The following ANXA3 variants were observed in gnomAD, a reference collection of about 807,000 sequenced individuals.
ANXA3 encodes 35-alpha calcimedin.
A neutral mutation model predicts 48.8 loss-of-function variants in ANXA3; 46 were observed. The observed-to-expected ratio is 0.94, with a 90% confidence interval of 0.74 to 1.21. The LOEUF is 1.21. ANXA3 is among the 50% of genes most tolerant of loss of function. The pLI is 0.00. For missense variants in ANXA3, 383 were observed against 378.6 expected (o/e 1.01, Z -0.10); for synonymous variants, 128 against 134.7 (o/e 0.95, Z 0.35).
chr4:78,559,799 G>A (rs1374902348), intron 2 of ANXA3, among the ~76,000 whole-genome samples: 1 of 152,134 alleles, frequency 6.6e-6, no homozygotes, highest in Non-Finnish European at 1.5e-5. Flanking sequence ...GGGTAATAGT[G>A]CTTATCTCAT....
Position 78,610,269 on chromosome 4 carries a change from GATT to G in ANXA3, c.*161_*163del. The G allele has an allele frequency of 2.1e-6, 1 of 474,468 alleles. No individual in the cohort carries two copies. Among genetic ancestry groups the G allele is most frequent in the Non-Finnish European group, 3.8e-6 (1 of 266,532 alleles). The allele number at this position is 474,468 out of a possible 1,614,324, so 29.4% of individuals were successfully genotyped here. A position where few individuals can be genotyped will look rare whatever the true frequency, so the allele number is the denominator to read the frequency against. On this transcript the variant is annotated 3_prime_UTR_variant, in exon 13 of 13. Transcript: ENST00000264908. ...GTTCTATAACAACAACAACAAAAGC[GATT>G]ATTATTTTAGAGCATCTCATTTATA...
At chr4:78,609,793 CTT>C (rs1723719999) in intron 12 of ANXA3, among the ~76,000 whole-genome samples, 1 of 152,134 alleles carries the variant, frequency 6.6e-6, no homozygotes, top group Non-Finnish European at 1.5e-5. Flanking sequence ...GTGATGCAAT[CTT>C]ATTTTATTAA....
intron 3 of ANXA3, among the ~76,000 whole-genome samples, chr4:78,575,154 A>T (rs1187721039): frequency 1.3e-5 from 2 of 152,122 alleles, no homozygotes; most frequent in African/African-American, 4.8e-5. Flanking sequence ...ATCTGCTTCC[A>T]CTTTCATATG....
At chr4:78,587,832 G>T (rs544167396) in intron 6 of ANXA3, among the ~76,000 whole-genome samples, 25 of 152,280 alleles carry the variant, frequency 1.6e-4, no homozygotes, top group African/African-American at 5.8e-4. Flanking sequence ...GGTGACTCAC[G>T]CCTGTAATCA....
chr4:78,580,269 C>G (rs2109936410), intron 4 of ANXA3, among the ~76,000 whole-genome samples: 1 of 152,254 alleles, frequency 6.6e-6, no homozygotes, highest in East Asian at 1.9e-4. Context: ...CTAAACAATA[C>G]TAGGGGTTCT....
At chr4:78,578,236 G>A (rs1280611899) in intron 3 of ANXA3, among the ~76,000 whole-genome samples, 4 of 150,452 alleles carry the variant, frequency 2.7e-5, no homozygotes, top group African/African-American at 7.3e-5. Context: ...AGCCGAGATC[G>A]TGCCATTGCA....
In ANXA3 at chr4:78,591,465, T is replaced by A. The variant is rs544046330; in HGVS notation, c.404-79T>A. 1.7e-4 allele frequency: 157 copies of A among 917,686 alleles called. No individual in the cohort carries two copies. The highest frequency in any genetic ancestry group is 6.6e-4 in the Middle Eastern group (3 of 4,570). The allele number at this position is 917,686 out of a possible 1,614,324, so 56.8% of individuals were successfully genotyped here. Reference sequence around the variant, plus strand: ...TCACATACCCATTCTTTGCTAGTGTTGGCATTTAAACTTTTCTCTGTTTTA... The same window carrying A: ...TCACATACCCATTCTTTGCTAGTGTAGGCATTTAAACTTTTCTCTGTTTTA... On this transcript the variant is annotated intron_variant, in intron 6 of 12. Coordinates refer to ENST00000264908, the MANE Select transcript of ANXA3 (RefSeq NM_005139.3).
chr4:78,596,403 T>C (rs7699779), intron 9 of ANXA3, among the ~76,000 whole-genome samples: 16,088 of 152,294 alleles, frequency 0.11, 2,812 homozygotes, highest in African/African-American at 0.36. Flanking sequence ...CCCGCCCTCT[T>C]GCTCATGGCA....
intron 2 of ANXA3, chr4:78,570,949 C>T (rs1007403676): frequency 6.6e-6 from 1 of 152,058 alleles, no homozygotes; most frequent in Admixed American, 6.6e-5. Context: ...ATTTATCAAG[C>T]CTTGGAGAAA....
chr4:78,595,580 T>C, intron 8 of ANXA3, 143 bp downstream of exon 8: 1 of 1,013,426 alleles, frequency 9.9e-7, no homozygotes, highest in Non-Finnish European at 1.5e-6. Flanking sequence ...GCCTGAAGCT[T>C]GGGGATCGGA....
chr4:78,577,435 G>A (rs1722978143), intron 3 of ANXA3, among the ~76,000 whole-genome samples: 1 of 152,168 alleles, frequency 6.6e-6, no homozygotes, highest in African/African-American at 2.4e-5. Context: ...TCAGATACTT[G>A]TGCAGTTGTG....
At chr4:78,552,210 C>T (rs938953472) in intron 1 of ANXA3, 1 of 152,264 alleles carries the variant, frequency 6.6e-6, no homozygotes, top group Non-Finnish European at 1.5e-5. Flanking sequence ...ATCCACTTAG[C>T]CATCTCGGCC....
rs1025081667 is a variant in ANXA3 at position 78,598,206 on chromosome 4, C to T, written c.730+792C>T. 6.6e-5 allele frequency among the ~76,000 whole-genome samples: 10 copies of T among 151,946 alleles called. No individual in the cohort carries two copies. The East Asian group carries it at 1.2e-3, about 18-fold the overall frequency. On this transcript the variant is annotated intron_variant, in intron 10 of 12. Transcript: ENST00000264908. ...ACACACACACACACACACACACACA[C>T]ATGCAACTAAGACCTAAGCCAGTTT...
intron 2 of ANXA3, among the ~76,000 whole-genome samples, chr4:78,566,827 AAAAAG>A (rs1476862318): frequency 6.6e-6 from 1 of 152,242 alleles, no homozygotes; most frequent in African/African-American, 2.4e-5. Context: ...AAGAAATTTA[AAAAAG>A]AAAAGCTGAA....
At chr4:78,559,972 G>A (rs774781067) in intron 2 of ANXA3, among the ~76,000 whole-genome samples, 9 of 152,086 alleles carry the variant, frequency 5.9e-5, no homozygotes, top group Non-Finnish European at 1.2e-4. Flanking sequence ...AACTGTTTTT[G>A]TAGAGGGGCT....
At chr4:78,576,840 A>G (rs762060530) in intron 3 of ANXA3, among the ~76,000 whole-genome samples, 3 of 152,206 alleles carry the variant, frequency 2.0e-5, no homozygotes, top group Non-Finnish European at 4.4e-5. Context: ...AACCTGAGGC[A>G]TCTTGGCTTA....
At chr4:78,600,860 C>T (rs891279641) in intron 10 of ANXA3, among the ~76,000 whole-genome samples, 94 of 152,126 alleles carry the variant, frequency 6.2e-4, no homozygotes, top group African/African-American at 2.1e-3. Context: ...TTTACTCTTG[C>T]GTTTTTGTCA....
intron 5 of ANXA3, among the ~76,000 whole-genome samples, chr4:78,583,192 A>G (rs201750732): frequency 6.9e-6 from 1 of 144,960 alleles, no homozygotes; most frequent in South Asian, 2.2e-4. Flanking sequence ...TAAAAAAAAA[A>G]TTAGCTGTGC....
At chr4:78,556,980 T>A (rs980459851) in intron 2 of ANXA3, among the ~76,000 whole-genome samples, 1 of 152,198 alleles carries the variant, frequency 6.6e-6, no homozygotes, top group Non-Finnish European at 1.5e-5. Context: ...ATTTATTATC[T>A]CACAGTTCTA....
Sources: gnomAD v4.1 joint callset for allele counts (sites outside exome capture counted in the v4.1 genomes callset) on GRCh38, gnomAD v4.1.1 for gene constraint, MANE v1.5 for transcripts, NCBI Gene and HGNC (gene_info 2026-07-23, HGNC 2026-07-21) for gene names.